CATSPERE: variants seen among roughly 807,000 people sequenced by gnomAD.
CATSPERE encodes the protein cation channel sperm-associated auxiliary subunit epsilon.
A neutral mutation model predicts 114.1 loss-of-function variants in CATSPERE; 93 were observed. The observed-to-expected ratio is 0.81, with a 90% CI of 0.69 to 0.97. The LOEUF is 0.97. Among genes scored for constraint, CATSPERE ranks in the 50% least tolerant of loss-of-function variants. CATSPERE has a pLI of 0.00. For synonymous variants in CATSPERE, 341 were observed against 384.1 expected (o/e 0.89, Z 1.31); for missense variants, 1,058 against 1,131.6 (o/e 0.93, Z 0.93).
At chr1:244,497,423 A>C (rs977955855) in intron 6 of CATSPERE, among the ~76,000 whole-genome samples, 5 of 152,242 alleles carry the variant, frequency 3.3e-5, no homozygotes, top group Admixed American at 1.3e-4. Context: ...AAAATGAGCG[A>C]ATGAAATCCA....
At chr1:244,518,329 T>A (rs1008009594) in intron 7 of CATSPERE, among the ~76,000 whole-genome samples, 1 of 152,186 alleles carries the variant, frequency 6.6e-6, no homozygotes, top group Admixed American at 6.5e-5. Flanking sequence ...AGTATCCCCA[T>A]AGTTTCAGTG....
upstream of CATSPERE, among the ~76,000 whole-genome samples, chr1:244,460,533 C>A (rs1177033223): frequency 6.6e-6 from 1 of 152,236 alleles, no homozygotes. Context: ...AACTGTGCTC[C>A]CCAATTGCTT....
At chr1:244,547,061 A>T (rs1572685756) in intron 8 of CATSPERE, among the ~76,000 whole-genome samples, 1 of 152,186 alleles carries the variant, frequency 6.6e-6, no homozygotes, top group South Asian at 2.1e-4. Flanking sequence ...AAAGACAAAG[A>T]GAGGATCCTG....
chr1:244,617,371 G>T (rs753812725), intron 19 of CATSPERE, among the ~76,000 whole-genome samples, 158 bp from the exon 20 acceptor site: 22 of 152,078 alleles, frequency 1.4e-4, no homozygotes, highest in Non-Finnish European at 2.2e-4. Context: ...GTTTAACCCA[G>T]TATCGCTCTT....
upstream of CATSPERE, chr1:244,451,526 C>G (rs933209316): frequency 4.9e-6 from 6 of 1,231,382 alleles, no homozygotes; most frequent in African/African-American, 9.2e-5. The surrounding 1 kb of genome is among the most constrained non-coding windows in gnomAD (Gnocchi z 6.6). Flanking sequence ...AAGGTGACAC[C>G]TCATTTTGGC....
intron 6 of CATSPERE, among the ~76,000 whole-genome samples, chr1:244,491,186 T>A (rs1388741910): frequency 2.0e-5 from 3 of 152,074 alleles, no homozygotes; most frequent in Admixed American, 6.6e-5. Context: ...ATTGACCACA[T>A]ACTTGGAAGT....
At position 244,572,519 on chromosome 1, in the gene CATSPERE, A is replaced by G. The variant is rs1357094684; in HGVS notation, c.1697A>G (p.Tyr566Cys). The change falls in exon 11 of 22, where the codon TAT (tyrosine) becomes TGT (cysteine). Residue 566 changes from tyrosine to cysteine, a missense_variant. Transcript: ENST00000366534. The stretch of plus-strand genomic sequence containing the variant: ...GATGGCACAATACAAATACAGGACT[A>G]TCCCTTACATCTGGAAGCACAAAGT... ...LDDGTIQIQD[Y>C]PLHLEAQSIA... 4 of 1,614,004 alleles carry G rather than the reference A, an allele frequency of 2.5e-6. No homozygotes were observed. The highest frequency in any genetic ancestry group is 3.4e-6 in the Non-Finnish European group (4 of 1,179,954).
intron 8 of CATSPERE, among the ~76,000 whole-genome samples, chr1:244,537,503 G>A (rs1053200905): frequency 6.6e-6 from 1 of 152,018 alleles, no homozygotes; most frequent in Admixed American, 6.6e-5. Flanking sequence ...AGAATGAGTT[G>A]GGAAAAATTC....
At chr1:244,468,095 T>C (rs2148098213) in intron 2 of CATSPERE, among the ~76,000 whole-genome samples, 1 of 151,878 alleles carries the variant, frequency 6.6e-6, no homozygotes, top group East Asian at 1.9e-4. Context: ...ATTGTTTTTT[T>C]TTTTTCTTTT....
chr1:244,621,228 AATATATTTATATAG>A (rs1558610694), intron 20 of CATSPERE, among the ~76,000 whole-genome samples: 6 of 16,746 alleles, frequency 3.6e-4, no homozygotes, highest in African/African-American at 1.1e-3. Flanking sequence ...TATTTATATA[AATATATTTATATAG>A]ATATATTTAT....
At position 244,607,889 on chromosome 1, in the gene CATSPERE, C is replaced by T. The variant is rs370166430; in HGVS notation, c.2403+2095C>T. Among the ~76,000 whole-genome samples the T allele has an allele frequency of 6.7e-6, 1 of 150,326 alleles. No individual in the cohort carries two copies. The highest frequency in any genetic ancestry group is 1.5e-5 in the Non-Finnish European group (1 of 67,420). On this transcript the variant is annotated intron_variant, in intron 18 of 21. Coordinates refer to ENST00000366534, the MANE Select transcript of CATSPERE (RefSeq NM_001130957.2). The surrounding 1 kb of genome is among the most constrained non-coding windows in gnomAD (Gnocchi z 4.4). Reference sequence around the variant, plus strand: ...AGCACTTTGGGAGGCTGAGGCAGGCCGATCACAAGGTCAGGAGTTTGAGAC... The same window carrying T: ...AGCACTTTGGGAGGCTGAGGCAGGCTGATCACAAGGTCAGGAGTTTGAGAC...
rs759785816 is a variant in CATSPERE, at chr1:244,605,769, A to G, written c.2378A>G (p.Tyr793Cys). The G allele has an allele frequency of 1.2e-5, 20 of 1,612,918 alleles. No homozygotes were observed. In the South Asian group the frequency reaches 1.8e-4, roughly 14 times the overall value. Residue 793 changes from tyrosine to cysteine, a missense_variant, in exon 18 of 22, where the codon TAT becomes TGT. Around this residue, in one of 2 missense-constraint regions of CATSPERE, gnomAD observed 787 missense variants for 905.6 expected, o/e 0.87. Coordinates refer to ENST00000366534, the MANE Select transcript of CATSPERE (RefSeq NM_001130957.2). ...IVWEIHGRDDYSFNNTMAQSG... is the reference protein window; with the variant it reads ...IVWEIHGRDDCSFNNTMAQSG... ...TGGGAAATACACGGCAGGGATGACT[A>G]TAGCTTTAATAATACTATGGCACAG...
chr1:244,633,084 T>C lies in CATSPERE; in HGVS notation c.2649-2405T>C, dbSNP rs767159331. ...AAAGAAGGTGTAATAATCCTAAATG[T>C]GGATTTACCTTTAAAACAGCTTCAA... On this transcript the variant is annotated intron_variant, in intron 20 of 21. Transcript: ENST00000366534. The surrounding 1 kb of genome is among the most constrained non-coding windows in gnomAD (Gnocchi z 4.1). Among the ~76,000 whole-genome samples, 1 of 152,216 alleles carries C rather than the reference T, an allele frequency of 6.6e-6. No homozygotes were observed. Among genetic ancestry groups the C allele is most frequent in the Non-Finnish European group, 1.5e-5 (1 of 68,044 alleles).
chr1:244,586,967 C>A (rs1486674266), intron 13 of CATSPERE, among the ~76,000 whole-genome samples: 1 of 152,178 alleles, frequency 6.6e-6, no homozygotes, highest in Non-Finnish European at 1.5e-5. Context: ...TTTTAACTTT[C>A]ACTATCTCTG....
At chr1:244,582,930 T>A (rs867148637) in intron 12 of CATSPERE, among the ~76,000 whole-genome samples, 5 of 1,334 alleles carry the variant, frequency 3.7e-3, no homozygotes, top group South Asian at 0.025. Flanking sequence ...TATATATATA[T>A]ATATATATAT....
At chr1:244,474,766 T>C (rs572373081) in intron 2 of CATSPERE, among the ~76,000 whole-genome samples, 1 of 149,902 alleles carries the variant, frequency 6.7e-6, no homozygotes, top group East Asian at 1.9e-4. Flanking sequence ...GAGACAGGGT[T>C]TTGGTCTTGC....
At chr1:244,526,655 T>C (rs1442679375) in intron 8 of CATSPERE, among the ~76,000 whole-genome samples, 3 of 150,788 alleles carry the variant, frequency 2.0e-5, no homozygotes, top group Non-Finnish European at 3.0e-5. Flanking sequence ...TTTTTCTTTT[T>C]TTTTTTTTTT....
intron 20 of CATSPERE, among the ~76,000 whole-genome samples, chr1:244,631,783 A>T (rs563811731): frequency 6.6e-6 from 1 of 152,390 alleles, no homozygotes; most frequent in East Asian, 1.9e-4. Context: ...GTCAAAATCC[A>T]GAACACTGAC....
chr1:244,514,828 CAAAAA>C (rs371207477), intron 7 of CATSPERE, among the ~76,000 whole-genome samples: 1 of 42,426 alleles, frequency 2.4e-5, no homozygotes, highest in Admixed American at 2.5e-4. Flanking sequence ...GACTCCATCT[CAAAAA>C]AAAAAAAAAA....
Sources: allele counts gnomAD v4.1 joint callset (sites outside exome capture counted in the v4.1 genomes callset), GRCh38; gene constraint gnomAD v4.1.1; regional missense constraint gnomAD v4.1.1; non-coding constraint Gnocchi (gnomAD v3.1); transcripts MANE v1.5; gene names NCBI Gene and HGNC (gene_info 2026-07-23, HGNC 2026-07-21).